The following CKAP5 variants were observed in gnomAD, a reference collection of about 807,000 sequenced individuals.
The protein encoded by CKAP5 is cytoskeleton-associated protein 5.
CKAP5 carries 27 observed loss-of-function variants against 232.8 expected under a neutral mutation model. The ratio of observed to expected loss-of-function variants is 0.12; its 90% CI spans 0.09 to 0.16. CKAP5 has a LOEUF of 0.16. Ranked by LOEUF, CKAP5 falls within the 10% of genes least tolerant of loss-of-function variation. The pLI is 1.00. For missense variants in CKAP5, 1,838 were observed against 2,424.7 expected (o/e 0.76, Z 5.08); for synonymous variants, 785 against 841.1 (o/e 0.93, Z 1.16).
In CKAP5 at chr11:46,767,523, A is replaced by G; in HGVS notation, c.3411+52T>C. On this transcript the variant is annotated intron_variant, in intron 27 of 43. Transcript: ENST00000529230. ...CCTTCCTAATAGAATGACTCAGTAT[A>G]TAAAATATATTTAAAAGCAAGTCTA... 5 of 1,145,110 alleles carry G rather than the reference A, an allele frequency of 4.4e-6. No homozygotes were observed. In the South Asian group the frequency reaches 6.5e-5, roughly 15 times the overall value. The allele number at this position is 1,145,110 out of a possible 1,614,324, so 70.9% of individuals were successfully genotyped here. A position where few individuals can be genotyped will look rare whatever the true frequency, so the allele number is the denominator to read the frequency against.
At chr11:46,744,298 C>T in intron 43 of CKAP5, 33 bp from the exon 44 acceptor site, 1 of 1,613,142 alleles carries the variant, frequency 6.2e-7, no homozygotes, top group Middle Eastern at 1.7e-4. Context: ...TGTCTAAGGT[C>T]AGGTCAAGCA....
At chr11:46,837,162 G>A (rs1204797759) in intron 1 of CKAP5, among the ~76,000 whole-genome samples, 1 of 152,144 alleles carries the variant, frequency 6.6e-6, no homozygotes, top group African/African-American at 2.4e-5. Context: ...ATCCATGTAT[G>A]TATATCCATA....
chr11:46,763,914 T>C (rs189906932), intron 28 of CKAP5, among the ~76,000 whole-genome samples: 31 of 152,274 alleles, frequency 2.0e-4, no homozygotes, highest in African/African-American at 7.5e-4. Flanking sequence ...TAGATCACTG[T>C]AGCATTAACC....
At chr11:46,808,396 C>T (rs1163765562) in intron 7 of CKAP5, among the ~76,000 whole-genome samples, 1 of 152,102 alleles carries the variant, frequency 6.6e-6, no homozygotes, top group Non-Finnish European at 1.5e-5. Flanking sequence ...AAAAAATTAG[C>T]CGGGCGTGGT....
At chr11:46,801,432 G>C in intron 8 of CKAP5, 128 bp from the exon 9 acceptor site, 1 of 625,170 alleles carries the variant, frequency 1.6e-6, no homozygotes, top group South Asian at 1.7e-5. Flanking sequence ...CACTTTGGGA[G>C]GCCAAGGTGG....
chr11:46,793,698 G>A (rs1368464506), intron 13 of CKAP5, among the ~76,000 whole-genome samples: 1 of 152,196 alleles, frequency 6.6e-6, no homozygotes, highest in Non-Finnish European at 1.5e-5. Flanking sequence ...TGAGGCAGGC[G>A]GATCAACTGA....
intron 4 of CKAP5, among the ~76,000 whole-genome samples, chr11:46,815,269 C>G (rs1332440522): frequency 6.6e-6 from 1 of 151,890 alleles, no homozygotes; most frequent in Non-Finnish European, 1.5e-5. Flanking sequence ...AGGCTGGTCT[C>G]AAACTCCTGA....
At chr11:46,821,326 T>C (rs1262909309) in intron 1 of CKAP5, 58 bp from the exon 2 acceptor site, 4 of 775,152 alleles carry the variant, frequency 5.2e-6, no homozygotes, top group African/African-American at 3.6e-5. Context: ...AAGACAAAAA[T>C]AACTTTTCTG....
intron 26 of CKAP5, among the ~76,000 whole-genome samples, chr11:46,769,298 T>G (rs1368599160): frequency 6.6e-6 from 1 of 152,202 alleles, no homozygotes; most frequent in Non-Finnish European, 1.5e-5. Flanking sequence ...TTAAGCTAGA[T>G]TCTCCCAATT....
At chr11:46,790,395 C>A (rs527243997) in intron 14 of CKAP5, 75 bp downstream of exon 14, 7 of 1,125,888 alleles carry the variant, frequency 6.2e-6, no homozygotes, top group Non-Finnish European at 9.3e-6. Context: ...TAGAACCCAG[C>A]AAAGAACTCC....
intron 4 of CKAP5, among the ~76,000 whole-genome samples, chr11:46,812,721 T>A (rs928399269): frequency 6.6e-6 from 1 of 152,126 alleles, no homozygotes; most frequent in Non-Finnish European, 1.5e-5. Context: ...CACTGCAGCC[T>A]CGACCTTCCC....
At chr11:46,837,734 C>T (rs916487459) in intron 1 of CKAP5, among the ~76,000 whole-genome samples, 1 of 152,112 alleles carries the variant, frequency 6.6e-6, no homozygotes, top group Non-Finnish European at 1.5e-5. Flanking sequence ...AAAGCTGGAA[C>T]AACCTGAACA....
At position 46,787,263 on chromosome 11, in the gene CKAP5, A is replaced by G. The variant is rs147095559; in HGVS notation, c.1968+1418T>C. On this transcript the variant is annotated intron_variant, in intron 16 of 43. Transcript: ENST00000529230. Reference sequence around the variant, plus strand: ...TACGAATAAGGTGCTATGTAACACAATGTAAGGGACACACAGTGTATGAGG... The same window carrying G: ...TACGAATAAGGTGCTATGTAACACAGTGTAAGGGACACACAGTGTATGAGG... Among the ~76,000 whole-genome samples, 421 of 152,336 alleles carry G rather than the reference A, an allele frequency of 2.8e-3. 2 individuals carry two copies. The highest frequency in any genetic ancestry group is 9.6e-3 in the African/African-American group (399 of 41,582).
intron 36 of CKAP5, among the ~76,000 whole-genome samples, chr11:46,753,842 T>C (rs2065089390): frequency 6.6e-6 from 1 of 152,036 alleles, no homozygotes; most frequent in Non-Finnish European, 1.5e-5. Context: ...TCCACCTGCC[T>C]TGGCCTCCTG....
intron 8 of CKAP5, among the ~76,000 whole-genome samples, chr11:46,805,753 T>C (rs1165762470): frequency 6.6e-6 from 1 of 152,166 alleles, no homozygotes; most frequent in Non-Finnish European, 1.5e-5. Context: ...CTGGCCAACA[T>C]GGTGAAACCC....
Position 46,770,941 on chromosome 11 carries a change from G to A in CKAP5, c.3033C>T (p.Ser1011=). The part of the protein sequence containing the change: ...WLAEKLPTLR[S]TPTDLILCVP... Reference sequence around the variant, plus strand: ...CACAAAGGATAAGGTCTGTAGGGGTGGAACGAAGAGTAGGTAGTTTCTCAG... The same window carrying A: ...CACAAAGGATAAGGTCTGTAGGGGTAGAACGAAGAGTAGGTAGTTTCTCAG... Residue 1011 remains serine, a synonymous_variant, in exon 25 of 44, where the codon TCC becomes TCT. Transcript: ENST00000529230. 1 of 1,613,736 alleles carries A rather than the reference G, an allele frequency of 6.2e-7. No homozygotes were observed. The highest frequency in any genetic ancestry group is 1.3e-5 in the African/African-American group (1 of 75,026).
chr11:46,821,502 G>GC (rs1939526044), intron 1 of CKAP5, among the ~76,000 whole-genome samples: 1 of 131,746 alleles, frequency 7.6e-6, no homozygotes, highest in Non-Finnish European at 1.5e-5. Context: ...TCCGCTTACT[G>GC]CAAGCTACAC....
Position 46,778,135 on chromosome 11 carries a change from A to C in CKAP5, c.2748+4T>G. On this transcript the variant is annotated splice_donor_region_variant and intron_variant, in intron 22 of 43. Coordinates refer to ENST00000529230, the MANE Select transcript of CKAP5 (RefSeq NM_001008938.4). ...TAAAAAGAACAGCCGTATGCTCTACATACCAAGATTTTATTTGAATCATTG... is the reference window on the plus strand; with the variant it reads ...TAAAAAGAACAGCCGTATGCTCTACCTACCAAGATTTTATTTGAATCATTG... 1 of 1,612,934 alleles carries C rather than the reference A, an allele frequency of 6.2e-7. No individual in the cohort carries two copies. Among genetic ancestry groups the C allele is most frequent in the Non-Finnish European group, 8.5e-7 (1 of 1,179,352 alleles).
intron 1 of CKAP5, among the ~76,000 whole-genome samples, chr11:46,826,294 A>G (rs552826795): frequency 6.6e-6 from 1 of 152,262 alleles, no homozygotes; most frequent in South Asian, 2.1e-4. Context: ...AGGCCTCTGG[A>G]GAGACAGCTA....
Sources: allele counts gnomAD v4.1 joint callset (sites outside exome capture counted in the v4.1 genomes callset), GRCh38; gene constraint gnomAD v4.1.1; transcripts MANE v1.5; gene names NCBI Gene and HGNC (gene_info 2026-07-23, HGNC 2026-07-21).